Variants in EPS8L1 observed in about 807,000 individuals in gnomAD.
The protein encoded by EPS8L1 is epidermal growth factor receptor kinase substrate 8-like protein 1.
In EPS8L1, 101 loss-of-function variants were observed where a neutral mutation model predicts 91.7. That is an observed-to-expected ratio of 1.10 (90% confidence interval 0.94 to 1.30). The LOEUF is 1.30. Among genes scored for constraint, EPS8L1 ranks in the 50% most tolerant of loss-of-function variants. The pLI, the probability that EPS8L1 is intolerant of heterozygous loss-of-function variation, is 0.00. For synonymous variants in EPS8L1, 506 were observed against 445.3 expected (o/e 1.14, Z -1.72); for missense variants, 1,114 against 1,017.0 (o/e 1.10, Z -1.30).
chr19:55,086,724 C>T lies in EPS8L1; in HGVS notation c.1788C>T (p.Ser596=), dbSNP rs753591360. The T allele has an allele frequency of 4.1e-5, 65 of 1,603,050 alleles. No individual in the cohort carries two copies. The South Asian group carries it at 7.2e-4, about 18-fold the overall frequency. Residue 596 remains serine (S), a synonymous_variant, in exon 18 of 20, where the codon TCC becomes TCT. Transcript: ENST00000201647. ...GLDPSEKEKF[S]QMLIVNEELQ... ...GTTTCCCGCCTGCAGAGAAATTCTC[C>T]CAGATGCTCATCGTCAACGAGGAAC...
intron 12 of EPS8L1, 103 bp downstream of exon 12, chr19:55,082,705 G>A: frequency 8.6e-7 from 1 of 1,167,880 alleles, no homozygotes; most frequent in Admixed American, 2.5e-5. Context: ...AGGAGAGTAG[G>A]GAGGGGTTAG....
In EPS8L1 at chr19:55,081,943, C is replaced by A; in HGVS notation, c.901+44C>A. ...TGGGATCTGAACCCCCTCCCGATCT[C>A]TTCCAAATGTCCCCGCTCTCCCCAG... On this transcript the variant is annotated intron_variant, in intron 9 of 19. Coordinates refer to ENST00000201647, the MANE Select transcript of EPS8L1 (RefSeq NM_133180.3). This position sits in a 1 kb window ranked among gnomAD's most constrained non-coding sequence, Gnocchi z 4.9. 2 of 1,591,060 alleles carry A rather than the reference C, an allele frequency of 1.3e-6. No homozygotes were observed. Among genetic ancestry groups the A allele is most frequent in the Non-Finnish European group, 1.7e-6 (2 of 1,168,850 alleles).
In EPS8L1 at chr19:55,076,457, A is replaced by G. The variant is rs776787535; in HGVS notation, c.13A>G (p.Thr5Ala). The change falls in exon 2 of 20, where the codon ACA (threonine) becomes GCA (alanine). Residue 5 changes from threonine to alanine, a missense_variant. Thr to Ala is a moderately conservative substitution (Grantham distance 58). Coordinates refer to ENST00000201647, the MANE Select transcript of EPS8L1 (RefSeq NM_133180.3). ...ACCACTCAGCACCATGAGCACCGCC[A>G]CAGGGTAAGCGCCCCCGGACCCCAG... is the stretch of plus-strand genomic sequence containing the variant. Reference protein sequence around the residue: MSTATGPEAAPKPSA... With the variant: MSTAAGPEAAPKPSA... 8.1e-6 allele frequency: 13 copies of G among 1,612,238 alleles called. No homozygotes were observed. The highest frequency in any genetic ancestry group is 1.3e-5 in the African/African-American group (1 of 74,976).
Position 55,081,487 on chromosome 19 carries a change from G to T in EPS8L1, c.769G>T (p.Glu257Ter), listed in dbSNP as rs1040240918. The T allele has an allele frequency of 6.3e-7, 1 of 1,582,934 alleles. No homozygotes were observed. Among genetic ancestry groups the T allele is most frequent in the Non-Finnish European group, 8.6e-7 (1 of 1,165,074 alleles). The change falls in exon 8 of 20, where the codon GAA (glutamate) becomes TAA (stop). Residue 257 changes from glutamate (E) to a stop codon, truncating the protein, a stop_gained. Coordinates refer to ENST00000201647, the MANE Select transcript of EPS8L1 (RefSeq NM_133180.3). LOFTEE classifies it high-confidence loss of function. The surrounding 1 kb of genome is among the most constrained non-coding windows in gnomAD (Gnocchi z 4.9). ...CCTGGCGGTTCTGCAGGCGGAGCGG[G>T]AAGTGGTGAGCCGCTAAGGAAGGGG... The part of the protein sequence containing the change: ...PDLAVLQAER[E>*]VDILNHVFDD...
At chr19:55,086,632 A>C in intron 17 of EPS8L1, 82 bp from the exon 18 acceptor site, 1 of 1,463,766 alleles carries the variant, frequency 6.8e-7, no homozygotes, top group Non-Finnish European at 9.1e-7. Flanking sequence ...GGGACGCTGG[A>C]GCGCCCCCCC....
intron 18 of EPS8L1, 190 bp from the exon 19 acceptor site, chr19:55,087,113 G>T: frequency 9.2e-7 from 1 of 1,092,824 alleles, no homozygotes; most frequent in Non-Finnish European, 1.3e-6. Context: ...CCCTTTGAAA[G>T]CAGGATGCGG....
At chr19:55,087,049 T>C in intron 18 of EPS8L1, 161 bp downstream of exon 18, 1 of 1,084,188 alleles carries the variant, frequency 9.2e-7, no homozygotes, top group Non-Finnish European at 1.3e-6. Flanking sequence ...AATGGCAGGC[T>C]GTGATTGCCA....
rs2076358748 is a variant in EPS8L1 at position 55,086,904 on chromosome 19, GC to G, written c.1952+19del. The G allele has an allele frequency of 2.0e-5, 28 of 1,415,678 alleles. No individual in the cohort carries two copies. Among genetic ancestry groups the G allele is most frequent in the Non-Finnish European group, 2.5e-5 (27 of 1,090,822 alleles). The allele number at this position is 1,415,678 out of a possible 1,614,324, so 87.7% of individuals were successfully genotyped here. A position where few individuals can be genotyped will look rare whatever the true frequency, so the allele number is the denominator to read the frequency against. The stretch of plus-strand genomic sequence containing the variant: ...TTAGCTCCGGGTGAGTGGGGCCGGG[GC>G]CCTCTCGGCGCGGGTTGATACGGAC... On this transcript the variant is annotated intron_variant, in intron 18 of 19. Transcript: ENST00000201647.
Position 55,083,917 on chromosome 19 carries a change from A to T in EPS8L1, c.1385+273A>T. On this transcript the variant is annotated intron_variant, in intron 14 of 19. Coordinates refer to ENST00000201647, the MANE Select transcript of EPS8L1 (RefSeq NM_133180.3). This position sits in a 1 kb window ranked among gnomAD's most constrained non-coding sequence, Gnocchi z 4.7. ...GGGAGGAAGGGGGCTGGGAGTGGGT[A>T]AAGTCTGAGAGGTTGGATCCCTGGA... 1 of 615,488 alleles carries T rather than the reference A, an allele frequency of 1.6e-6. No homozygotes were observed. Among genetic ancestry groups the T allele is most frequent in the African/African-American group, 1.8e-5 (1 of 54,244 alleles). The allele number at this position is 615,488 out of a possible 1,614,324, so 38.1% of individuals were successfully genotyped here.
At position 55,087,650 on chromosome 19, in the gene EPS8L1, C is replaced by G. The variant is rs1416584752; in HGVS notation, c.*36C>G. ...GCCCTTCGCAAAGAGTGACGAGGCC[C>G]CGTGGGAGAACGGACTCCTCAGACT... is the stretch of plus-strand genomic sequence containing the variant. On this transcript the variant is annotated 3_prime_UTR_variant, in exon 20 of 20. Coordinates refer to ENST00000201647, the MANE Select transcript of EPS8L1 (RefSeq NM_133180.3). The G allele has an allele frequency of 6.2e-7, 1 of 1,607,632 alleles. No homozygotes were observed. Among genetic ancestry groups the G allele is most frequent in the Admixed American group, 1.7e-5 (1 of 59,590 alleles).
At position 55,077,932 on chromosome 19, in the gene EPS8L1, C is replaced by CAATAATAAT. The variant is rs34626114; in HGVS notation, c.18-123_18-115dup. On this transcript the variant is annotated intron_variant, in intron 2 of 19. Transcript: ENST00000201647. ...AGCTCTGGCTCTGAGCTCTCCTGCTCAATAATAATAATAATAATAATAATA... is the reference window on the plus strand; with the variant it reads ...AGCTCTGGCTCTGAGCTCTCCTGCTCAATAATAATAATAATAATAATAATAATAATAATA... 1.3e-3 allele frequency among the ~76,000 whole-genome samples: 158 copies of CAATAATAAT among 126,300 alleles called. 1 individual carries two copies. The highest frequency in any genetic ancestry group is 3.7e-3 in the South Asian group (15 of 4,098). The allele number at this position is 126,300 out of a possible 152,430, so 82.9% of individuals were successfully genotyped here. A position where few individuals can be genotyped will look rare whatever the true frequency, so the allele number is the denominator to read the frequency against.
In EPS8L1 at chr19:55,087,605, G is replaced by A. The variant is rs552322119; in HGVS notation, c.2163G>A (p.Glu721=). 2.5e-5 allele frequency: 41 copies of A among 1,614,192 alleles called. No homozygotes were observed. In the South Asian group the frequency reaches 4.2e-4, roughly 16 times the overall value. ...AGGTGGAAGGCGAGGTGGAAATGGA[G>A]GTCATTTGACCTGCCAGGCGCCCTT... ...KKKVEGEVEM[E]VI is the part of the protein sequence containing the mutation. The change falls in exon 20 of 20, where the codon GAG becomes GAA. Residue 721 remains glutamate (E), a synonymous_variant. Transcript: ENST00000201647.
rs2076290706 is a variant in EPS8L1, at chr19:55,082,512, C to T, written c.1124C>T (p.Thr375Ile). 1.9e-6 allele frequency: 3 copies of T among 1,612,522 alleles called. No individual in the cohort carries two copies. Among genetic ancestry groups the T allele is most frequent in the Non-Finnish European group, 2.5e-6 (3 of 1,179,774 alleles). ...AGCAGTGTGCGGCGGCCGCATCTGA[C>T]ATCGGATGCCGTGGCGCTGCTGCGG... ...FASSVRRPHL[T>I]SDAVALLRDN... The change falls in exon 12 of 20, where the codon ACA becomes ATA. Residue 375 changes from threonine (T) to isoleucine (I), a missense_variant. Physicochemically the swap from Thr to Ile is moderately conservative, Grantham distance 89. Transcript: ENST00000201647.
At position 55,081,460 on chromosome 19, in the gene EPS8L1, G is replaced by T; in HGVS notation, c.742G>T (p.Asp248Tyr). The T allele has an allele frequency of 6.3e-7, 1 of 1,597,354 alleles. No homozygotes were observed. Among genetic ancestry groups the T allele is most frequent in the Admixed American group, 1.7e-5 (1 of 57,786 alleles). Residue 248 changes from aspartate to tyrosine, a missense_variant, in exon 8 of 20, where the codon GAC (aspartate) becomes TAC (tyrosine). Transcript: ENST00000201647. This position sits in a 1 kb window ranked among gnomAD's most constrained non-coding sequence, Gnocchi z 4.9. ...CCCGGACCTGGGTCCCCGGGGTCCT[G>T]ACCTGGCGGTTCTGCAGGCGGAGCG... is the stretch of plus-strand genomic sequence containing the variant. ...ASPDLGPRGP[D>Y]LAVLQAEREV...
rs188838959 is a variant in EPS8L1, at chr19:55,083,793, C to T, written c.1385+149C>T. On this transcript the variant is annotated intron_variant, in intron 14 of 19. Coordinates refer to ENST00000201647, the MANE Select transcript of EPS8L1 (RefSeq NM_133180.3). This position sits in a 1 kb window ranked among gnomAD's most constrained non-coding sequence, Gnocchi z 4.7. ...TGGGTGAGATGGTGATGGGGCGGGC[C>T]GGGGCTGGGAGAGAGGGAGGAGCAG... 11 of 155,070 alleles carry T rather than the reference C, an allele frequency of 7.1e-5. No homozygotes were observed. Among genetic ancestry groups the T allele is most frequent in the Admixed American group, 4.4e-4 (6 of 13,686 alleles). 9.6% of individuals were successfully genotyped at this position (155,070 alleles called of 1,614,324 possible).
At chr19:55,082,757 G>T (rs2076297609) in intron 12 of EPS8L1, among the ~76,000 whole-genome samples, 155 bp downstream of exon 12, 1 of 151,802 alleles carries the variant, frequency 6.6e-6, no homozygotes, top group African/African-American at 2.4e-5. Context: ...TAGGACAGAT[G>T]CCAAGATTCA....
At chr19:55,084,630 C>T (rs1429392907) in intron 14 of EPS8L1, 1 of 152,226 alleles carries the variant, frequency 6.6e-6, no homozygotes, top group Admixed American at 6.5e-5. Flanking sequence ...GACCCCCCCT[C>T]TCCCCTGCAC....
intron 18 of EPS8L1, 172 bp from the exon 19 acceptor site, chr19:55,087,131 C>A: frequency 8.7e-7 from 1 of 1,151,594 alleles, no homozygotes; most frequent in Non-Finnish European, 1.2e-6. Flanking sequence ...CGGCCACGCC[C>A]CCCGGGTGGC....
chr19:55,081,910 C>G lies in EPS8L1; in HGVS notation c.901+11C>G, dbSNP rs1245248620. On this transcript the variant is annotated intron_variant, in intron 9 of 19. Coordinates refer to ENST00000201647, the MANE Select transcript of EPS8L1 (RefSeq NM_133180.3). The surrounding 1 kb of genome is among the most constrained non-coding windows in gnomAD (Gnocchi z 4.9). ...GCCGGGCGGCTGGGGGTAAGGGGCACCCTGGCGTGGGATCTGAACCCCCTC... is the reference window on the plus strand; with the variant it reads ...GCCGGGCGGCTGGGGGTAAGGGGCAGCCTGGCGTGGGATCTGAACCCCCTC... 7 of 1,604,146 alleles carry G rather than the reference C, an allele frequency of 4.4e-6. No individual in the cohort carries two copies. In the African/African-American group the frequency reaches 6.7e-5, roughly 15 times the overall value.
Sources: gnomAD v4.1 joint callset for allele counts (sites outside exome capture counted in the v4.1 genomes callset) on GRCh38, gnomAD v4.1.1 for gene constraint, Gnocchi (gnomAD v3.1) non-coding constraint, MANE v1.5 for transcripts, NCBI Gene and HGNC (gene_info 2026-07-23, HGNC 2026-07-21) for gene names.